The following GFRA1 variants were observed in gnomAD, a reference collection of about 807,000 sequenced individuals.
GFRA1 encodes GDNF family receptor alpha-1.
A neutral mutation model predicts 51.6 loss-of-function variants in GFRA1; 16 were observed. The observed-to-expected ratio is 0.31, with a 90% CI of 0.21 to 0.47. The LOEUF is 0.47. Among genes scored for constraint, GFRA1 ranks in the 20% least tolerant of loss-of-function variants. The probability of loss-of-function intolerance (pLI) is 1.00; values close to 1 mark genes in which losing one functional copy is unlikely to be tolerated. For missense variants in GFRA1, 530 were observed against 594.3 expected, an observed-to-expected ratio of 0.89 and a Z score of 1.13; for synonymous variants, 270 against 241.3, an observed-to-expected ratio of 1.12 and a Z score of -1.10.
chr10:116,114,112 GTGGC>G (rs1957319018), intron 6 of GFRA1, among the ~76,000 whole-genome samples: 2 of 152,316 alleles, frequency 1.3e-5, no homozygotes, highest in Middle Eastern at 3.4e-3. Context: ...CACTGAGTCA[GTGGC>G]TGCCCTTTGC....
At chr10:116,216,323 A>G (rs1297423341) in intron 4 of GFRA1, among the ~76,000 whole-genome samples, 1 of 152,212 alleles carries the variant, frequency 6.6e-6, no homozygotes, top group Non-Finnish European at 1.5e-5. Context: ...AGCAGTGCAC[A>G]GAGCCACGCA....
rs777934003 is a variant in GFRA1, at chr10:116,270,929, A to G, written c.227T>C (p.Met76Thr). The G allele has an allele frequency of 3.7e-6, 6 of 1,614,034 alleles. No individual in the cohort carries two copies. Among genetic ancestry groups the G allele is most frequent in the East Asian group, 2.2e-5 (1 of 44,876 alleles). The change falls in exon 3 of 11, where the codon ATG becomes ACG. Residue 76 changes from methionine (M) to threonine (T), a missense_variant. Met to Thr is a moderately conservative substitution (Grantham distance 81, BLOSUM62 -1). Transcript: ENST00000355422. Reference protein sequence around the residue: ...LEAKDECRSAMEALKQKSLYN... With the variant: ...LEAKDECRSATEALKQKSLYN... ...GAGCGACTTCTGCTTCAGGGCCTCC[A>G]TGGCGCTGCGGCACTCATCCTTGGC...
At chr10:116,257,017 G>C (rs1260531734) in intron 4 of GFRA1, among the ~76,000 whole-genome samples, 9 of 148,268 alleles carry the variant, frequency 6.1e-5, no homozygotes, top group Non-Finnish European at 1.4e-4. Context: ...GCTGGGGTTG[G>C]GGCTGGGACC....
At chr10:116,267,329 G>A (rs531308092) in intron 4 of GFRA1, among the ~76,000 whole-genome samples, 57 of 151,914 alleles carry the variant, frequency 3.8e-4, no homozygotes, top group Non-Finnish European at 3.7e-4. Context: ...ATCCAGGCGT[G>A]GTGGCAGGTG....
At chr10:116,140,499 G>A (rs10450428) in intron 5 of GFRA1, among the ~76,000 whole-genome samples, 67 of 152,200 alleles carry the variant, frequency 4.4e-4, no homozygotes, top group African/African-American at 1.3e-3. Flanking sequence ...AAGTGTATGC[G>A]GTTCAAAGAT....
intron 6 of GFRA1, among the ~76,000 whole-genome samples, chr10:116,120,401 T>G (rs1305241571): frequency 2.0e-5 from 3 of 151,978 alleles, no homozygotes; most frequent in African/African-American, 7.2e-5. Flanking sequence ...CAAGACCCTG[T>G]CTCTAAAAAT....
At chr10:116,267,316 A>C (rs1565691701) in intron 4 of GFRA1, among the ~76,000 whole-genome samples, 1 of 151,950 alleles carries the variant, frequency 6.6e-6, no homozygotes, top group East Asian at 1.9e-4. Flanking sequence ...ACATACAAAA[A>C]TTATCCAGGC....
At chr10:116,150,263 C>T (rs1328745471) in intron 5 of GFRA1, among the ~76,000 whole-genome samples, 2 of 152,154 alleles carry the variant, frequency 1.3e-5, no homozygotes, top group Non-Finnish European at 2.9e-5. Flanking sequence ...GGTGCCTCCT[C>T]CTTCCACTTT....
chr10:116,096,820 CT>C, intron 6 of GFRA1, 56 bp from the exon 7 acceptor site: 1 of 913,918 alleles, frequency 1.1e-6, no homozygotes, highest in Non-Finnish European at 1.8e-6. Context: ...CATCCTAAGC[CT>C]CCGGACAGAC....
At chr10:116,207,105 G>A (rs1964837038) in intron 5 of GFRA1, among the ~76,000 whole-genome samples, 1 of 82,506 alleles carries the variant, frequency 1.2e-5, no homozygotes, top group Non-Finnish European at 2.3e-5. Flanking sequence ...AACAGGGTCA[G>A]GTATTTTCTC....
At chr10:116,176,046 T>G (rs528717547) in intron 5 of GFRA1, among the ~76,000 whole-genome samples, 1 of 152,286 alleles carries the variant, frequency 6.6e-6, no homozygotes, top group East Asian at 1.9e-4. Flanking sequence ...GCAGTATTAT[T>G]TGGAAAAGAT....
At position 116,064,252 on chromosome 10, in the gene GFRA1, A is replaced by G; in HGVS notation, c.*146T>C. 1.4e-6 allele frequency: 1 copy of G among 723,786 alleles called. No individual in the cohort carries two copies. Among genetic ancestry groups the G allele is most frequent in the Non-Finnish European group, 2.3e-6 (1 of 433,242 alleles). The allele number at this position is 723,786 out of a possible 1,614,324, so 44.8% of individuals were successfully genotyped here. ...CAAAGGATCACAAGAAGCTTTCTTA[A>G]AAGGAAAAAAAAAAAATGTTCCAGT... On this transcript the variant is annotated 3_prime_UTR_variant, in exon 11 of 11. Coordinates refer to ENST00000355422, the MANE Select transcript of GFRA1 (RefSeq NM_005264.8).
At chr10:116,103,721 T>A (rs535311646) in intron 6 of GFRA1, among the ~76,000 whole-genome samples, 4 of 152,302 alleles carry the variant, frequency 2.6e-5, no homozygotes, top group African/African-American at 9.6e-5. Flanking sequence ...GCTAAAACAC[T>A]GGAAAGGTAA....
chr10:116,168,490 T>A (rs1489085703), intron 5 of GFRA1, among the ~76,000 whole-genome samples: 1 of 152,128 alleles, frequency 6.6e-6, no homozygotes, highest in Non-Finnish European at 1.5e-5. Context: ...GGTCAGCTAT[T>A]TCCTTCTGCA....
Position 116,104,952 on chromosome 10 carries a change from T to G in GFRA1, c.771-8188A>C, listed in dbSNP as rs1956952647. ...CCAATGCGCAAACTGATGGTCATGG[T>G]ACAAGAAAACTCTAAGTAGTAATGG... On this transcript the variant is annotated intron_variant, in intron 6 of 10. Transcript: ENST00000355422. Among the ~76,000 whole-genome samples the G allele has an allele frequency of 2.0e-5, 3 of 152,200 alleles. No individual in the cohort carries two copies. The South Asian group carries it at 6.2e-4, about 32-fold the overall frequency.
intron 5 of GFRA1, among the ~76,000 whole-genome samples, chr10:116,166,798 TTTTTTTTTTTTTTTTTG>T (rs1348587694): frequency 3.3e-5 from 3 of 89,984 alleles, no homozygotes; most frequent in Admixed American, 1.3e-4. Context: ...TTTTTTTTTT[TTTTTTTTTTTTTTTTTG>T]TTGAGACGGA....
intron 5 of GFRA1, among the ~76,000 whole-genome samples, chr10:116,129,285 C>G (rs1258860595): frequency 6.6e-6 from 1 of 152,150 alleles, no homozygotes; most frequent in South Asian, 2.1e-4. Context: ...ATTCCCCAAA[C>G]TTTAGTAAAC....
At chr10:116,252,111 G>A (rs1398194517) in intron 4 of GFRA1, among the ~76,000 whole-genome samples, 5 of 151,588 alleles carry the variant, frequency 3.3e-5, no homozygotes, top group Admixed American at 1.3e-4. Context: ...TCCAGCCCAC[G>A]TCAGAGTGCT....
intron 5 of GFRA1, among the ~76,000 whole-genome samples, chr10:116,174,296 A>T (rs1290824990): frequency 6.6e-6 from 1 of 152,192 alleles, no homozygotes; most frequent in African/African-American, 2.4e-5. Context: ...ATATGTCTAT[A>T]TTTCAGAAAA....
Sources: gnomAD v4.1 joint callset for allele counts (sites outside exome capture counted in the v4.1 genomes callset) on GRCh38, gnomAD v4.1.1 for gene constraint, MANE v1.5 for transcripts, NCBI Gene and HGNC (gene_info 2026-07-23, HGNC 2026-07-21) for gene names.